Variants in RBFOX1 observed in about 807,000 individuals in gnomAD.
RBFOX1 encodes the protein RNA binding fox-1 homolog 1.
RBFOX1 carries 8 observed loss-of-function variants against 57.7 expected under a neutral mutation model. That is an observed-to-expected ratio of 0.14 (90% confidence interval 0.08 to 0.25). The LOEUF (loss-of-function observed/expected upper bound fraction) is 0.25, where lower values mean the gene tolerates loss of function less well. Among genes scored for constraint, RBFOX1 ranks in the 10% least tolerant of loss-of-function variants. RBFOX1 has a pLI of 1.00. For synonymous variants in RBFOX1, 326 were observed against 222.4 expected, an observed-to-expected ratio of 1.47 and a Z score of -4.15; for missense variants, 611 against 548.5, an observed-to-expected ratio of 1.11 and a Z score of -1.14.
chr16:7,544,354 TC>T (rs561843288), intron 5 of RBFOX1, among the ~76,000 whole-genome samples: 2 of 152,140 alleles, frequency 1.3e-5, no homozygotes, highest in East Asian at 3.8e-4. Flanking sequence ...TGAATTAGTG[TC>T]CCCCCAAATT....
At chr16:6,728,074 C>G (rs2067659862) in intron 3 of RBFOX1, among the ~76,000 whole-genome samples, 1 of 152,164 alleles carries the variant, frequency 6.6e-6, no homozygotes, top group South Asian at 2.1e-4. Flanking sequence ...AGGATTTTAG[C>G]ATAGAGCTAG....
chr16:5,392,873 G>A (rs1019864338), intron 1 of RBFOX1, among the ~76,000 whole-genome samples: 1 of 152,122 alleles, frequency 6.6e-6, no homozygotes, highest in Admixed American at 6.5e-5. Context: ...AACTTGGGCT[G>A]TTCAGAATCT....
chr16:6,954,985 C>T (rs942070856), intron 3 of RBFOX1, among the ~76,000 whole-genome samples: 1 of 151,482 alleles, frequency 6.6e-6, no homozygotes, highest in Non-Finnish European at 1.5e-5. Flanking sequence ...AATCTGAGTA[C>T]TTTGGGAGAC....
Position 7,456,150 on chromosome 16 carries a change from A to C in RBFOX1, c.28-61997A>C, listed in dbSNP as rs552654627. ...ACTGCCCCCAGAAATTATGTGGCCA[A>C]TCCTGATTAAGGGGCAGGGCAGGGC... On this transcript the variant is annotated intron_variant, in intron 4 of 15. Coordinates refer to ENST00000550418, the MANE Select transcript of RBFOX1 (RefSeq NM_018723.4). Among the ~76,000 whole-genome samples the C allele has an allele frequency of 1.4e-3, 213 of 152,246 alleles. 1 individual carries two copies. The highest frequency in any genetic ancestry group is 1.7e-3 in the Non-Finnish European group (119 of 68,012).
intron 3 of RBFOX1, among the ~76,000 whole-genome samples, chr16:5,621,748 T>G (rs2048207510): frequency 6.6e-6 from 1 of 152,202 alleles, no homozygotes; most frequent in African/African-American, 2.4e-5. Flanking sequence ...TTATTAAGAA[T>G]GGAGTCATTA....
At chr16:7,104,939 T>C (rs2063316639) in intron 4 of RBFOX1, among the ~76,000 whole-genome samples, 1 of 149,090 alleles carries the variant, frequency 6.7e-6, no homozygotes, top group African/African-American at 2.6e-5. Flanking sequence ...ATCTCTGTGC[T>C]TGTGTGTGTG....
intron 1 of RBFOX1, among the ~76,000 whole-genome samples, chr16:5,285,557 G>A (rs1336608958): frequency 6.6e-6 from 1 of 152,102 alleles, no homozygotes; most frequent in African/African-American, 2.4e-5. Context: ...GACTATCTGT[G>A]CCTCTGACAT....
intron 2 of RBFOX1, among the ~76,000 whole-genome samples, chr16:5,533,103 G>A (rs902000391): frequency 1.3e-4 from 20 of 152,270 alleles, no homozygotes; most frequent in African/African-American, 3.6e-4. Context: ...GAGGAAATCA[G>A]GTCAAGAGAA....
chr16:7,130,274 A>G (rs1289667028), intron 4 of RBFOX1, among the ~76,000 whole-genome samples: 1 of 152,060 alleles, frequency 6.6e-6, no homozygotes, highest in Non-Finnish European at 1.5e-5. Context: ...ACCTCAGGTG[A>G]TCTACCCACA....
At chr16:6,608,818 C>G (rs1195702536) in intron 2 of RBFOX1, among the ~76,000 whole-genome samples, 1 of 152,200 alleles carries the variant, frequency 6.6e-6, no homozygotes, top group Non-Finnish European at 1.5e-5. Flanking sequence ...TTGTAGAGAT[C>G]AGAAGTCTGC....
At chr16:7,482,482 GT>G (rs2064222327) in intron 4 of RBFOX1, among the ~76,000 whole-genome samples, 1 of 133,788 alleles carries the variant, frequency 7.5e-6, no homozygotes, top group Non-Finnish European at 1.6e-5. Context: ...TGTTGTTGTT[GT>G]TGTTGTTGTT....
intron 4 of RBFOX1, among the ~76,000 whole-genome samples, chr16:7,236,497 C>T (rs770249631): frequency 3.9e-5 from 6 of 152,110 alleles, no homozygotes; most frequent in Non-Finnish European, 2.9e-5. Context: ...CTAAATGCAT[C>T]CATCCCATTG....
At chr16:5,314,229 A>G (rs1343649169) in intron 1 of RBFOX1, among the ~76,000 whole-genome samples, 1 of 152,198 alleles carries the variant, frequency 6.6e-6, no homozygotes, top group Non-Finnish European at 1.5e-5. Flanking sequence ...AAGCTTAGGC[A>G]ACCCAACTTG....
chr16:7,665,840 T>C (rs946304829), intron 13 of RBFOX1, among the ~76,000 whole-genome samples: 3 of 152,290 alleles, frequency 2.0e-5, no homozygotes, highest in South Asian at 2.1e-4. Context: ...TCTGATGAAA[T>C]TGGTATCATG....
chr16:7,683,341 G>C (rs192140565), intron 14 of RBFOX1, among the ~76,000 whole-genome samples: 148 of 151,678 alleles, frequency 9.8e-4, no homozygotes, highest in Non-Finnish European at 1.8e-3. Context: ...CAGACAGACA[G>C]ACACACACAC....
At chr16:7,542,576 C>T (rs905672821) in intron 5 of RBFOX1, among the ~76,000 whole-genome samples, 2 of 151,530 alleles carry the variant, frequency 1.3e-5, no homozygotes, top group African/African-American at 2.4e-5. Flanking sequence ...GGGATGGGGC[C>T]GGGTGCAGTG....
chr16:6,340,244 C>T (rs923592631), intron 2 of RBFOX1, among the ~76,000 whole-genome samples: 1 of 152,012 alleles, frequency 6.6e-6, no homozygotes, highest in Admixed American at 6.6e-5. Context: ...CTATCTGCAG[C>T]AAGGGGACAG....
chr16:6,133,067 A>G (rs1022070216), intron 1 of RBFOX1, among the ~76,000 whole-genome samples: 5 of 151,452 alleles, frequency 3.3e-5, no homozygotes, highest in African/African-American at 1.2e-4. Flanking sequence ...AGACTGCCTC[A>G]AAGGATGCAA....
At chr16:7,133,213 T>C (rs958568096) in intron 4 of RBFOX1, among the ~76,000 whole-genome samples, 4 of 152,164 alleles carry the variant, frequency 2.6e-5, no homozygotes, top group East Asian at 1.9e-4. Context: ...AGAAAACATA[T>C]CATTTAAAAA....
Sources: gnomAD v4.1 joint callset for allele counts (sites outside exome capture counted in the v4.1 genomes callset) on GRCh38, gnomAD v4.1.1 for gene constraint, MANE v1.5 for transcripts, NCBI Gene and HGNC (gene_info 2026-07-23, HGNC 2026-07-21) for gene names.